Variants in KIZ observed in about 807,000 individuals in gnomAD.
KIZ encodes the protein kizuna centrosomal protein.
A neutral mutation model predicts 79.6 loss-of-function variants in KIZ; 68 were observed. The ratio of observed to expected loss-of-function variants is 0.85; its 90% CI spans 0.70 to 1.05. The LOEUF is 1.05. Ranked by LOEUF, KIZ falls within the 50% of genes least tolerant of loss-of-function variation. KIZ has a pLI of 0.00. For synonymous variants in KIZ, 280 were observed against 281.8 expected, an observed-to-expected ratio of 0.99 and a Z score of 0.06; for missense variants, 797 against 800.4, an observed-to-expected ratio of 1.00 and a Z score of 0.05.
At chr20:21,219,518 AT>A (rs1417297978) in intron 9 of KIZ, among the ~76,000 whole-genome samples, 2 of 152,036 alleles carry the variant, frequency 1.3e-5, no homozygotes, top group Non-Finnish European at 2.9e-5. Context: ...GGGTTTCACC[AT>A]GTTGCCCAGG....
intron 11 of KIZ, among the ~76,000 whole-genome samples, chr20:21,239,495 G>T (rs2037144506): frequency 6.6e-6 from 1 of 152,198 alleles, no homozygotes; most frequent in Admixed American, 6.5e-5. Context: ...GAAGGCTCTG[G>T]ATTGATAATC....
intron 6 of KIZ, among the ~76,000 whole-genome samples, chr20:21,180,385 G>T (rs1282699399): frequency 6.6e-6 from 1 of 151,902 alleles, no homozygotes; most frequent in African/African-American, 2.4e-5. Flanking sequence ...GTGTTAAGGT[G>T]CCCTACCCCC....
chr20:21,215,788 C>A, intron 9 of KIZ, 140 bp downstream of exon 9: 1 of 543,486 alleles, frequency 1.8e-6, no homozygotes. Context: ...GAGATTAATC[C>A]TAAGAGCAGA....
At chr20:21,148,503 T>C (rs1206108103) in intron 4 of KIZ, among the ~76,000 whole-genome samples, 1 of 152,170 alleles carries the variant, frequency 6.6e-6, no homozygotes, top group African/African-American at 2.4e-5. Flanking sequence ...ACAAAAAATG[T>C]GTCTTACCAA....
chr20:21,173,878 T>G (rs2034326633), intron 6 of KIZ, among the ~76,000 whole-genome samples: 1 of 152,142 alleles, frequency 6.6e-6, no homozygotes, highest in East Asian at 1.9e-4. Flanking sequence ...TTGTAAATCA[T>G]CAGGGTATAA....
chr20:21,158,967 C>CATAT (rs201390498), intron 4 of KIZ, among the ~76,000 whole-genome samples: 1 of 118,510 alleles, frequency 8.4e-6, no homozygotes, highest in Admixed American at 8.8e-5. Context: ...TAGTAAAATA[C>CATAT]ATATATATAC....
intron 4 of KIZ, among the ~76,000 whole-genome samples, chr20:21,152,057 C>T (rs1239890841): frequency 2.0e-5 from 3 of 152,134 alleles, no homozygotes; most frequent in Non-Finnish European, 1.5e-5. Context: ...GAGAGCAAAG[C>T]AGGTTGCGGA....
chr20:21,161,184 C>G (rs757197828), intron 4 of KIZ, among the ~76,000 whole-genome samples: 1 of 152,034 alleles, frequency 6.6e-6, no homozygotes, highest in Non-Finnish European at 1.5e-5. Flanking sequence ...GGCTGTTTGT[C>G]TTTTTATTAT....
chr20:21,166,212 A>G, intron 6 of KIZ: 1 of 1,550,678 alleles, frequency 6.4e-7, no homozygotes, highest in Non-Finnish European at 8.8e-7. Context: ...ATCCCTAGAA[A>G]AAGAATTCCA....
intron 6 of KIZ, among the ~76,000 whole-genome samples, chr20:21,183,051 G>C (rs1455866078): frequency 6.6e-6 from 1 of 152,110 alleles, no homozygotes; most frequent in Admixed American, 6.6e-5. Flanking sequence ...CCCATGAAAA[G>C]GAAGAAGGGA....
rs1419224463 is a variant in KIZ, at chr20:21,185,476, C to T, written c.1353-20015C>T. 1.6e-4 allele frequency among the ~76,000 whole-genome samples: 22 copies of T among 139,396 alleles called. 1 individual carries two copies. Among genetic ancestry groups the T allele is most frequent in the Middle Eastern group, 4.5e-3 (1 of 222 alleles). 91.4% of individuals were successfully genotyped at this position (139,396 alleles called of 152,430 possible). A position where few individuals can be genotyped will look rare whatever the true frequency, so the allele number is the denominator to read the frequency against. On this transcript the variant is annotated intron_variant, in intron 6 of 12. Transcript: ENST00000619189. ...CCAGGCTGGAATGCAGTGGCATGAT[C>T]GCGGCTCACTGTAACCTCTGCCTCC...
At chr20:21,201,051 C>T (rs77336418) in intron 6 of KIZ, among the ~76,000 whole-genome samples, 2,488 of 152,036 alleles carry the variant, frequency 0.016, 26 homozygotes, top group Admixed American at 0.025. Context: ...AGTGTGGTGG[C>T]GCACACCTAT....
At chr20:21,127,057 A>C (rs1455080664) in intron 1 of KIZ, among the ~76,000 whole-genome samples, 4 of 152,266 alleles carry the variant, frequency 2.6e-5, no homozygotes, top group Non-Finnish European at 5.9e-5. Flanking sequence ...TGTGCGTGAC[A>C]GTGCTAAAAT....
intron 11 of KIZ, among the ~76,000 whole-genome samples, chr20:21,242,608 A>C (rs2037255544): frequency 6.6e-6 from 1 of 151,790 alleles, no homozygotes; most frequent in African/African-American, 2.4e-5. Context: ...ACTGGATGTG[A>C]AGGAAAGAGG....
chr20:21,162,508 G>A lies in KIZ; in HGVS notation c.1042+1G>A. ...CATTCTCCTTGGGAAGGTGTTTCAG[G>A]TGGGATGAGAGGCTGAGTTTGGTTG... On this transcript the variant is annotated splice_donor_variant, in intron 5 of 12. Coordinates refer to ENST00000619189, the MANE Select transcript of KIZ (RefSeq NM_018474.6). LOFTEE classifies it high-confidence loss of function. 1 of 1,608,076 alleles carries A rather than the reference G, an allele frequency of 6.2e-7. No homozygotes were observed. The highest frequency in any genetic ancestry group is 1.3e-5 in the African/African-American group (1 of 74,788).
At chr20:21,202,699 G>A (rs1247816469) in intron 6 of KIZ, among the ~76,000 whole-genome samples, 1 of 152,042 alleles carries the variant, frequency 6.6e-6, no homozygotes, top group Non-Finnish European at 1.5e-5. Context: ...GGAATCATAG[G>A]GTGGACATCC....
intron 4 of KIZ, 64 bp downstream of exon 4, chr20:21,145,718 A>C (rs1275992189): frequency 3.2e-6 from 2 of 621,600 alleles, no homozygotes; most frequent in African/African-American, 1.9e-5. Flanking sequence ...ATATCTTGAG[A>C]TATTGTTTTA....
chr20:21,151,049 C>T (rs1568923257), intron 4 of KIZ: 1 of 152,000 alleles, frequency 6.6e-6, no homozygotes, highest in Admixed American at 6.6e-5. Flanking sequence ...ATAATATAGG[C>T]GTATAGAAAT....
Position 21,162,211 on chromosome 20 carries a change from C to A in KIZ, c.746C>A (p.Thr249Asn), listed in dbSNP as rs1467615259. The part of the protein sequence containing the change: ...TASVLSEEEQ[T>N]HCLEIGSNTR... ...AGTGTATTGTCTGAGGAGGAACAAA[C>A]TCATTGCTTGGAGATAGGAAGTAAC... Residue 249 changes from threonine (T) to asparagine (N), a missense_variant, in exon 5 of 13, where the codon ACT becomes AAT. Thr to Asn is a moderately conservative substitution (Grantham distance 65). Coordinates refer to ENST00000619189, the MANE Select transcript of KIZ (RefSeq NM_018474.6). 1 of 1,613,634 alleles carries A rather than the reference C, an allele frequency of 6.2e-7. No homozygotes were observed. Among genetic ancestry groups the A allele is most frequent in the African/African-American group, 1.3e-5 (1 of 74,830 alleles).
Sources: allele counts gnomAD v4.1 joint callset (sites outside exome capture counted in the v4.1 genomes callset), GRCh38; gene constraint gnomAD v4.1.1; transcripts MANE v1.5; gene names NCBI Gene and HGNC (gene_info 2026-07-23, HGNC 2026-07-21).